MGAT4C: variants seen among roughly 807,000 people sequenced by gnomAD.
MGAT4C encodes the protein alpha-1,3-mannosyl-glycoprotein 4-beta-N-acetylglucosaminyltransferase C.
In MGAT4C, 19 loss-of-function variants were observed where a neutral mutation model predicts 40.1. The observed-to-expected ratio is 0.47, with a 90% CI of 0.33 to 0.70. The LOEUF (loss-of-function observed/expected upper bound fraction) is 0.70, where lower values mean the gene tolerates loss of function less well. Ranked by LOEUF, MGAT4C falls within the 30% of genes least tolerant of loss-of-function variation. MGAT4C has a pLI of 0.02. For synonymous variants in MGAT4C, 181 were observed against 187.1 expected (o/e 0.97, Z 0.27); for missense variants, 491 against 563.2 (o/e 0.87, Z 1.30).
intron 2 of MGAT4C, among the ~76,000 whole-genome samples, chr12:86,623,282 T>A (rs1158883159): frequency 6.6e-6 from 1 of 152,176 alleles, no homozygotes; most frequent in African/African-American, 2.4e-5. Flanking sequence ...TTTCTATTTC[T>A]GCTATGCAAT....
chr12:86,068,355 T>A (rs369087181), intron 1 of MGAT4C: 1 of 152,064 alleles, frequency 6.6e-6, no homozygotes, highest in Admixed American at 6.6e-5. Flanking sequence ...GTCATCATCA[T>A]TGATATTAGT....
chr12:86,542,099 C>A (rs1959171172), intron 2 of MGAT4C, among the ~76,000 whole-genome samples: 2 of 152,184 alleles, frequency 1.3e-5, no homozygotes, highest in South Asian at 4.1e-4. Flanking sequence ...CCAGTAACAC[C>A]TGAAAACATG....
intron 2 of MGAT4C, among the ~76,000 whole-genome samples, chr12:86,673,834 A>T (rs895479300): frequency 2.0e-5 from 3 of 148,382 alleles, no homozygotes; most frequent in Non-Finnish European, 4.6e-5. Context: ...AAAAAAAAAC[A>T]TTATCAATTA....
chr12:86,255,305 G>A (rs1055792620), intron 1 of MGAT4C, among the ~76,000 whole-genome samples: 2 of 152,000 alleles, frequency 1.3e-5, no homozygotes, highest in African/African-American at 2.4e-5. Context: ...CAACATTTGA[G>A]GGGATACAAA....
At chr12:86,319,926 C>T (rs1954338697) in intron 4 of MGAT4C, among the ~76,000 whole-genome samples, 1 of 152,022 alleles carries the variant, frequency 6.6e-6, no homozygotes, top group Non-Finnish European at 1.5e-5. Flanking sequence ...TTTTAATTCT[C>T]ATAAATTAGT....
intron 2 of MGAT4C, among the ~76,000 whole-genome samples, chr12:86,668,737 A>G (rs941819469): frequency 6.6e-6 from 1 of 152,200 alleles, no homozygotes; most frequent in Non-Finnish European, 1.5e-5. Context: ...CTCTCCCGTC[A>G]CAAGCCTGGA....
At chr12:86,508,320 G>C (rs1958508676) in intron 2 of MGAT4C, among the ~76,000 whole-genome samples, 2 of 151,600 alleles carry the variant, frequency 1.3e-5, no homozygotes, top group Non-Finnish European at 2.9e-5. Flanking sequence ...TTGGTTTTTT[G>C]TTCTTGTGAT....
chr12:86,392,875 T>C (rs544049289), intron 3 of MGAT4C, among the ~76,000 whole-genome samples: 27 of 152,344 alleles, frequency 1.8e-4, no homozygotes, highest in African/African-American at 6.5e-4. Flanking sequence ...TAAACAATCA[T>C]ATGATTATTG....
At chr12:86,407,439 T>C (rs1956496650) in intron 3 of MGAT4C, among the ~76,000 whole-genome samples, 1 of 152,090 alleles carries the variant, frequency 6.6e-6, no homozygotes, top group South Asian at 2.1e-4. Flanking sequence ...TTATATTTAA[T>C]CATTCTTATT....
At chr12:86,064,087 C>A (rs893560417) in intron 1 of MGAT4C, among the ~76,000 whole-genome samples, 2 of 152,220 alleles carry the variant, frequency 1.3e-5, no homozygotes, top group African/African-American at 4.8e-5. Flanking sequence ...CCCAAATCAA[C>A]AGAATATACA....
chr12:86,275,944 CAAAAAAA>C lies in MGAT4C; in HGVS notation c.-57+58114_-57+58120del, dbSNP rs748476574. Among the ~76,000 whole-genome samples the C allele has an allele frequency of 6.5e-4, 45 of 69,190 alleles. 1 individual carries two copies. The highest frequency in any genetic ancestry group is 2.3e-3 in the African/African-American group (43 of 18,566). The allele number at this position is 69,190 out of a possible 152,430, so 45.4% of individuals were successfully genotyped here. On this transcript the variant is annotated intron_variant, in intron 4 of 7. Coordinates refer to the MGAT4C transcript ENST00000548651. ...TGAAACCCCGTCTCTACTAAAAATC[CAAAAAAA>C]AAAAAAAAAAAAAAAAAAAAAATTA... is the stretch of plus-strand genomic sequence containing the variant.
At chr12:86,066,569 A>T (rs1021779261) in intron 1 of MGAT4C, among the ~76,000 whole-genome samples, 40 of 152,190 alleles carry the variant, frequency 2.6e-4, no homozygotes, top group African/African-American at 9.4e-4. Flanking sequence ...CTCAAGATGG[A>T]TTAAATACGT....
At chr12:85,997,807 A>C (rs997465456) in intron 2 of MGAT4C, among the ~76,000 whole-genome samples, 2 of 152,154 alleles carry the variant, frequency 1.3e-5, no homozygotes, top group Non-Finnish European at 2.9e-5. Context: ...ATGGGTTAGC[A>C]TAAAGTGTTT....
At chr12:86,403,593 T>C (rs1956410917) in intron 3 of MGAT4C, among the ~76,000 whole-genome samples, 1 of 152,186 alleles carries the variant, frequency 6.6e-6, no homozygotes, top group Admixed American at 6.6e-5. Context: ...TATGCCTCTA[T>C]TAGAAATTAG....
At chr12:86,376,173 T>A (rs1955817869) in intron 3 of MGAT4C, among the ~76,000 whole-genome samples, 1 of 141,266 alleles carries the variant, frequency 7.1e-6, no homozygotes, top group South Asian at 2.2e-4. Flanking sequence ...ATGGCTTGAG[T>A]CCAGGAGTTC....
At chr12:86,345,833 A>C (rs911634750) in intron 3 of MGAT4C, among the ~76,000 whole-genome samples, 1 of 152,204 alleles carries the variant, frequency 6.6e-6, no homozygotes, top group African/African-American at 2.4e-5. Context: ...CGCCACACCG[A>C]CCTTCACAAT....
chr12:86,835,734 C>T (rs10858498), intron 1 of MGAT4C, among the ~76,000 whole-genome samples: 52,372 of 151,686 alleles, frequency 0.35, 10,053 homozygotes, highest in Admixed American at 0.47. Flanking sequence ...TTTATCTATG[C>T]GTAAGTATCC....
chr12:86,409,012 G>T (rs1053483335), intron 3 of MGAT4C, among the ~76,000 whole-genome samples: 2 of 152,008 alleles, frequency 1.3e-5, no homozygotes, highest in African/African-American at 4.8e-5. Context: ...AGTGTGTGTT[G>T]GTTGGGCTGG....
At chr12:86,205,808 T>C (rs1950227981) in intron 1 of MGAT4C, among the ~76,000 whole-genome samples, 1 of 152,124 alleles carries the variant, frequency 6.6e-6, no homozygotes, top group African/African-American at 2.4e-5. Flanking sequence ...TTATTTACTT[T>C]GACCTAAATT....
Sources: allele counts gnomAD v4.1 joint callset (sites outside exome capture counted in the v4.1 genomes callset), GRCh38; gene constraint gnomAD v4.1.1; transcripts MANE v1.5; gene names NCBI Gene and HGNC (gene_info 2026-07-23, HGNC 2026-07-21).